KIRREL1: variants seen among roughly 807,000 people sequenced by gnomAD.
The protein encoded by KIRREL1 is kin of IRRE-like protein 1.
In KIRREL1, 25 loss-of-function variants were observed where a neutral mutation model predicts 83.3. The ratio of observed to expected loss-of-function variants is 0.30; its 90% CI spans 0.22 to 0.42. The LOEUF (loss-of-function observed/expected upper bound fraction) is 0.42, where lower values mean the gene tolerates loss of function less well. Ranked by LOEUF, KIRREL1 falls within the 10% of genes least tolerant of loss-of-function variation. KIRREL1 has a pLI of 1.00. For missense variants in KIRREL1, 812 were observed against 1,032.3 expected (o/e 0.79, Z 2.92); for synonymous variants, 388 against 410.4 (o/e 0.95, Z 0.66).
chr1:158,050,826 T>C (rs1660891828), intron 1 of KIRREL1, among the ~76,000 whole-genome samples: 1 of 152,212 alleles, frequency 6.6e-6, no homozygotes, highest in South Asian at 2.1e-4. Context: ...AATTATCTCA[T>C]GTAGATTTCT....
At position 158,095,043 on chromosome 1, in the gene KIRREL1, G is replaced by A. The variant is rs1469695035; in HGVS notation, c.2197G>A (p.Ala733Thr). 3 of 1,613,764 alleles carry A rather than the reference G, an allele frequency of 1.9e-6. No individual in the cohort carries two copies. Reference sequence around the variant, plus strand: ...TGACCCCATTGGCAAGTACGCCACAGCCACTCGATTCTCCTACACCTCCCA... The same window carrying A: ...TGACCCCATTGGCAAGTACGCCACAACCACTCGATTCTCCTACACCTCCCA... ...AYDPIGKYAT[A>T]TRFSYTSQHS... The change falls in exon 15 of 15, where the codon GCC becomes ACC. Residue 733 changes from alanine (A) to threonine (T), a missense_variant. Coordinates refer to ENST00000359209, the MANE Select transcript of KIRREL1 (RefSeq NM_018240.7).
intron 10 of KIRREL1, 76 bp downstream of exon 10, chr1:158,089,894 C>T: frequency 1.6e-6 from 2 of 1,289,426 alleles, no homozygotes; most frequent in South Asian, 2.5e-5. Flanking sequence ...CTCACTTCTG[C>T]TGGTTTTGCT....
chr1:158,086,867 G>A (rs1662032671), intron 5 of KIRREL1, 121 bp downstream of exon 5: 3 of 852,384 alleles, frequency 3.5e-6, no homozygotes, highest in Admixed American at 2.4e-5. Context: ...CAGGACAAAC[G>A]CTTGCCTTCT....
At chr1:158,013,776 C>T (rs1043742235) in intron 1 of KIRREL1, among the ~76,000 whole-genome samples, 5 of 152,188 alleles carry the variant, frequency 3.3e-5, no homozygotes, top group African/African-American at 4.8e-5. Context: ...CCACGGACCT[C>T]CCTGCCTCCC....
chr1:157,999,109 CT>C (rs979792973), intron 1 of KIRREL1, among the ~76,000 whole-genome samples: 17 of 152,128 alleles, frequency 1.1e-4, no homozygotes, highest in South Asian at 4.1e-4. Context: ...AAGCCTAGGC[CT>C]TTTTTCCTCT....
chr1:158,090,588 G>A lies in KIRREL1; in HGVS notation c.1272+770G>A, dbSNP rs576423079. 8.5e-5 allele frequency among the ~76,000 whole-genome samples: 13 copies of A among 152,230 alleles called. No homozygotes were observed. The South Asian group carries it at 1.2e-3, about 15-fold the overall frequency. ...GATCCCTGGAAAGGAGCCAGTTCTCGGCTGCTCCCCCTCCCTTAGGCTCCA... is the reference window on the plus strand; with the variant it reads ...GATCCCTGGAAAGGAGCCAGTTCTCAGCTGCTCCCCCTCCCTTAGGCTCCA... On this transcript the variant is annotated intron_variant, in intron 10 of 14. Coordinates refer to ENST00000359209, the MANE Select transcript of KIRREL1 (RefSeq NM_018240.7).
chr1:158,046,576 AGGG>A (rs1660783837), intron 1 of KIRREL1, among the ~76,000 whole-genome samples: 1 of 152,040 alleles, frequency 6.6e-6, no homozygotes, highest in African/African-American at 2.4e-5. Context: ...GAGGGAGGGG[AGGG>A]CCAGTCAGGA....
intron 10 of KIRREL1, 25 bp downstream of exon 10, chr1:158,089,843 C>T (rs1324315921): frequency 6.3e-7 from 1 of 1,598,638 alleles, no homozygotes. Flanking sequence ...TGCCTGCGGA[C>T]AGCCAGCCCT....
At chr1:158,014,418 C>A (rs776137385) in intron 1 of KIRREL1, among the ~76,000 whole-genome samples, 1 of 151,996 alleles carries the variant, frequency 6.6e-6, no homozygotes, top group Non-Finnish European at 1.5e-5. Context: ...AGTAACCGGC[C>A]GCAGGTTCCA....
intron 11 of KIRREL1, 53 bp downstream of exon 11, chr1:158,091,609 GCTC>G: frequency 6.4e-7 from 1 of 1,562,336 alleles, no homozygotes; most frequent in East Asian, 2.2e-5. Context: ...TGAGGATTCT[GCTC>G]CTTCTTTTCT....
intron 1 of KIRREL1, among the ~76,000 whole-genome samples, chr1:158,039,138 A>G (rs186202862): frequency 2.6e-5 from 4 of 152,272 alleles, no homozygotes; most frequent in Admixed American, 1.3e-4. Context: ...AGGCTCTGCC[A>G]TTTCAGCACC....
At chr1:158,044,750 C>T (rs1453607745) in intron 1 of KIRREL1, among the ~76,000 whole-genome samples, 2 of 152,138 alleles carry the variant, frequency 1.3e-5, no homozygotes, top group African/African-American at 4.8e-5. Flanking sequence ...CCGCTCATCC[C>T]AAAGTGCCAG....
intron 4 of KIRREL1, 135 bp from the exon 5 acceptor site, chr1:158,086,461 T>C (rs959321524): frequency 2.9e-6 from 2 of 689,956 alleles, no homozygotes. Context: ...AGGGAAGAGG[T>C]TGTGGGAGTG....
At chr1:158,046,559 G>T (rs999052385) in intron 1 of KIRREL1, among the ~76,000 whole-genome samples, 12 of 152,042 alleles carry the variant, frequency 7.9e-5, no homozygotes, top group African/African-American at 2.9e-4. Context: ...ACAAGGGAGC[G>T]AACCAAGAGG....
At chr1:158,021,973 C>T (rs900222466) in intron 1 of KIRREL1, among the ~76,000 whole-genome samples, 3 of 151,592 alleles carry the variant, frequency 2.0e-5, no homozygotes, top group Non-Finnish European at 2.9e-5. Context: ...GAGCAGGGCT[C>T]AGCAGGAGGA....
rs748898038 is a variant in KIRREL1 at position 158,078,103 on chromosome 1, C to T, written c.315C>T (p.Ala105=). The change falls in exon 3 of 15, where the codon GCC becomes GCT. Residue 105 remains alanine, a synonymous_variant. Transcript: ENST00000359209. ...DASYECQATE[A]ALRSRRAKLT... Reference sequence around the variant, plus strand: ...CTTACGAGTGCCAGGCCACGGAGGCCGCCCTGCGCTCTCGGCGGGCCAAAC... The same window carrying T: ...CTTACGAGTGCCAGGCCACGGAGGCTGCCCTGCGCTCTCGGCGGGCCAAAC... 3.8e-5 allele frequency: 62 copies of T among 1,614,044 alleles called. No homozygotes were observed. The highest frequency in any genetic ancestry group is 1.1e-4 in the African/African-American group (8 of 74,908).
At chr1:158,004,116 T>C (rs975120996) in intron 1 of KIRREL1, among the ~76,000 whole-genome samples, 1 of 152,204 alleles carries the variant, frequency 6.6e-6, no homozygotes, top group Non-Finnish European at 1.5e-5. Context: ...GTCACTTACT[T>C]GGAGCCTCAG....
intron 1 of KIRREL1, among the ~76,000 whole-genome samples, chr1:158,070,923 A>G (rs1175152156): frequency 1.3e-5 from 2 of 152,032 alleles, no homozygotes; most frequent in South Asian, 2.1e-4. Flanking sequence ...CCACCTAATT[A>G]GACTATTCAC....
intron 11 of KIRREL1, among the ~76,000 whole-genome samples, chr1:158,092,345 C>CTTTTTTT (rs11430850): frequency 0.014 from 1,498 of 110,852 alleles, 69 homozygotes; most frequent in African/African-American, 0.05. Context: ...TCACTTCAGT[C>CTTTTTTT]TTTTTTTTTT....
Sources: gnomAD v4.1 joint callset for allele counts (sites outside exome capture counted in the v4.1 genomes callset) on GRCh38, gnomAD v4.1.1 for gene constraint, MANE v1.5 for transcripts, NCBI Gene and HGNC (gene_info 2026-07-23, HGNC 2026-07-21) for gene names.